PAWR: variants seen among roughly 807,000 people sequenced by gnomAD.
The protein encoded by PAWR is PRKC apoptosis WT1 regulator protein.
Under a neutral mutation model 32.0 loss-of-function variants are expected in PAWR, and 23 were observed. The ratio of observed to expected loss-of-function variants is 0.72; its 90% CI spans 0.52 to 1.02. The LOEUF is 1.02. PAWR is among the 50% of genes least tolerant of loss of function. The pLI is 0.00. For synonymous variants in PAWR, 226 were observed against 187.1 expected (o/e 1.21, Z -1.70); for missense variants, 457 against 437.7 (o/e 1.04, Z -0.39).
intron 2 of PAWR, among the ~76,000 whole-genome samples, chr12:79,676,858 C>T (rs1385006189): frequency 6.6e-6 from 1 of 152,150 alleles, no homozygotes; most frequent in East Asian, 1.9e-4. Context: ...CTTATCAGTC[C>T]TTCAAGATTC....
At chr12:79,613,980 T>TATATATATATG (rs1874600875) in intron 3 of PAWR, among the ~76,000 whole-genome samples, 1 of 2,986 alleles carries the variant, frequency 3.3e-4, no homozygotes, top group Non-Finnish European at 9.0e-4. Context: ...TATATATATA[T>TATATATATATG]TTTTTTTTTT....
chr12:79,650,778 A>C, intron 2 of PAWR, among the ~76,000 whole-genome samples: 1 of 151,806 alleles, frequency 6.6e-6, no homozygotes, highest in Non-Finnish European at 1.5e-5. Flanking sequence ...TTGGCCTACA[A>C]CCACTAATTT....
intron 6 of PAWR, among the ~76,000 whole-genome samples, chr12:79,593,093 C>A (rs1873614972): frequency 6.6e-6 from 1 of 151,688 alleles, no homozygotes; most frequent in African/African-American, 2.4e-5. Flanking sequence ...TAGGTTGCAA[C>A]CTTGTGTCAA....
At chr12:79,683,285 T>G (rs913018325) in intron 2 of PAWR, among the ~76,000 whole-genome samples, 1 of 152,256 alleles carries the variant, frequency 6.6e-6, no homozygotes, top group African/African-American at 2.4e-5. Context: ...TTGGGCATTT[T>G]TATAACATTT....
chr12:79,664,380 TCTTA>T (rs1188185807), intron 2 of PAWR, among the ~76,000 whole-genome samples: 9 of 152,220 alleles, frequency 5.9e-5, no homozygotes, highest in Non-Finnish European at 1.0e-4. Flanking sequence ...TTCTTTACTA[TCTTA>T]CTTAGAGTCT....
At chr12:79,664,290 G>A (rs1025351608) in intron 2 of PAWR, among the ~76,000 whole-genome samples, 10 of 151,340 alleles carry the variant, frequency 6.6e-5, no homozygotes, top group African/African-American at 2.4e-5. Context: ...GACAATGATC[G>A]GAGTGATCCT....
chr12:79,644,261 C>T lies in PAWR; in HGVS notation c.517-23054G>A, dbSNP rs531621670. Among the ~76,000 whole-genome samples the T allele has an allele frequency of 1.5e-4, 23 of 152,222 alleles. 1 individual carries two copies. The East Asian group carries it at 3.3e-3, about 22-fold the overall frequency. On this transcript the variant is annotated intron_variant, in intron 2 of 6. Transcript: ENST00000328827. ...AGAAAGACAGAAAACAAAATGTCTA[C>T]ATAAAACAAGTTAATTTTGTCTCAA...
rs745402913 is a variant in PAWR, at chr12:79,621,124, C to A, written c.600G>T (p.Gln200His). Residue 200 changes from glutamine (Q) to histidine (H), a missense_variant, in exon 3 of 7, where the codon CAG becomes CAT. Gln to His is a conservative substitution (Grantham distance 24, BLOSUM62 0). Coordinates refer to ENST00000328827, the MANE Select transcript of PAWR (RefSeq NM_002583.4). ...GATCTAGTAAGTTTACAGCTTCATT[C>A]TGAATAGTGTTCTGTTGTGTAATTG... Reference protein sequence around the residue: ...EDAITQQNTIQNEAVNLLDPG... With the variant: ...EDAITQQNTIHNEAVNLLDPG... 13 of 1,609,668 alleles carry A rather than the reference C, an allele frequency of 8.1e-6. No homozygotes were observed. Among genetic ancestry groups the A allele is most frequent in the Non-Finnish European group, 1.1e-5 (13 of 1,176,886 alleles).
chr12:79,684,811 A>C (rs139142224), intron 2 of PAWR, among the ~76,000 whole-genome samples: 1 of 152,310 alleles, frequency 6.6e-6, no homozygotes, highest in African/African-American at 2.4e-5. Context: ...TATACTAACA[A>C]TTTAACACTA....
At chr12:79,612,120 T>C (rs939161578) in intron 4 of PAWR, among the ~76,000 whole-genome samples, 6 of 152,176 alleles carry the variant, frequency 3.9e-5, no homozygotes, top group African/African-American at 1.4e-4. Context: ...GGCTATTTCA[T>C]AATTATTTCT....
intron 2 of PAWR, among the ~76,000 whole-genome samples, chr12:79,658,622 G>A (rs1877202684): frequency 6.6e-6 from 1 of 152,046 alleles, no homozygotes; most frequent in Admixed American, 6.6e-5. Context: ...AATTTCAAGA[G>A]AATATTCATC....
At position 79,637,539 on chromosome 12, in the gene PAWR, A is replaced by AT. The variant is rs1336542028; in HGVS notation, c.517-16333dup. Among the ~76,000 whole-genome samples the AT allele has an allele frequency of 4.6e-5, 6 of 129,576 alleles. No homozygotes were observed. In the South Asian group the frequency reaches 8.7e-4, roughly 19 times the overall value. The allele number at this position is 129,576 out of a possible 152,430, so 85.0% of individuals were successfully genotyped here. ...TTAAACAACAACAACAACATTGAAC[A>AT]TTAAAAAAAAAAAAAAAAGATAAAT... is the stretch of plus-strand genomic sequence containing the variant. On this transcript the variant is annotated intron_variant, in intron 2 of 6. Transcript: ENST00000328827.
rs1177897302 is a variant in PAWR at position 79,585,961 on chromosome 12, T to C, written c.*6646A>G. On this transcript the variant is annotated 3_prime_UTR_variant, in exon 7 of 7. Transcript: ENST00000328827. Reference sequence around the variant, plus strand: ...AGCCACTGCACCTAGCCAGGCATATTGGTTTTAAAAGGGTTACAAGAAACA... The same window carrying C: ...AGCCACTGCACCTAGCCAGGCATATCGGTTTTAAAAGGGTTACAAGAAACA... The C allele has an allele frequency of 6.6e-6, 1 of 152,200 alleles. No homozygotes were observed. Among genetic ancestry groups the C allele is most frequent in the Non-Finnish European group, 1.5e-5 (1 of 68,060 alleles). The allele number at this position is 152,200 out of a possible 1,614,324, so 9.4% of individuals were successfully genotyped here. A position where few individuals can be genotyped will look rare whatever the true frequency, so the allele number is the denominator to read the frequency against.
intron 2 of PAWR, among the ~76,000 whole-genome samples, chr12:79,644,686 A>C (rs1392111049): frequency 1.3e-5 from 2 of 152,168 alleles, no homozygotes; most frequent in Non-Finnish European, 2.9e-5. Context: ...TTTTCACATA[A>C]AGTAAAACTA....
chr12:79,612,662 GA>G (rs1290831877), intron 4 of PAWR, among the ~76,000 whole-genome samples: 1 of 152,064 alleles, frequency 6.6e-6, no homozygotes, highest in Non-Finnish European at 1.5e-5. Flanking sequence ...ATAATCATGA[GA>G]ATTGAAAGAA....
intron 4 of PAWR, among the ~76,000 whole-genome samples, chr12:79,607,189 T>A (rs1845906726): frequency 6.6e-6 from 1 of 151,980 alleles, no homozygotes; most frequent in Non-Finnish European, 1.5e-5. Context: ...CTTGGGAGGC[T>A]GAGGCAGATG....
At chr12:79,685,627 A>T (rs1878647037) in intron 2 of PAWR, among the ~76,000 whole-genome samples, 1 of 152,180 alleles carries the variant, frequency 6.6e-6, no homozygotes, top group South Asian at 2.1e-4. Context: ...ACTAGCCAAA[A>T]ATAAATTTAC....
intron 2 of PAWR, among the ~76,000 whole-genome samples, chr12:79,653,188 A>G (rs1223250164): frequency 6.6e-6 from 1 of 151,032 alleles, no homozygotes; most frequent in Non-Finnish European, 1.5e-5. Flanking sequence ...AGATTACACG[A>G]CCACACTCAG....
chr12:79,675,895 AAAT>A (rs1878141460), intron 2 of PAWR, among the ~76,000 whole-genome samples: 1 of 152,196 alleles, frequency 6.6e-6, no homozygotes, highest in South Asian at 2.1e-4. Flanking sequence ...GAAAGAAAAA[AAAT>A]AATAACAGCA....
Sources: gnomAD v4.1 joint callset for allele counts (sites outside exome capture counted in the v4.1 genomes callset) on GRCh38, gnomAD v4.1.1 for gene constraint, MANE v1.5 for transcripts, NCBI Gene and HGNC (gene_info 2026-07-23, HGNC 2026-07-21) for gene names.